The following HSPBAP1 variants were observed in gnomAD, a reference collection of about 807,000 sequenced individuals.
The protein encoded by HSPBAP1 is HSPB1 associated protein 1, also known as HSPB1-associated protein 1.
HSPBAP1 carries 27 observed loss-of-function variants against 45.2 expected under a neutral mutation model. The observed-to-expected ratio is 0.60, with a 90% CI of 0.44 to 0.82. The LOEUF is 0.82. Among genes scored for constraint, HSPBAP1 ranks in the 40% least tolerant of loss-of-function variants. The pLI, the probability that HSPBAP1 is intolerant of heterozygous loss-of-function variation, is 0.00. For missense variants in HSPBAP1, 510 were observed against 590.9 expected (o/e 0.86, Z 1.42); for synonymous variants, 204 against 202.7 (o/e 1.01, Z -0.06).
chr3:122,786,631 G>A (rs978983375), intron 1 of HSPBAP1: 1 of 152,214 alleles, frequency 6.6e-6, no homozygotes, highest in Non-Finnish European at 1.5e-5. Context: ...ACACATCCCA[G>A]AGATTATTTA....
chr3:122,761,614 G>GT (rs1447923305), intron 3 of HSPBAP1: 32 of 90,666 alleles, frequency 3.5e-4, no homozygotes, highest in Non-Finnish European at 5.9e-4. Context: ...TCTACAAAAA[G>GT]GTTTTTTTTT....
At chr3:122,789,192 T>C (rs972673008) in intron 1 of HSPBAP1, among the ~76,000 whole-genome samples, 2 of 152,350 alleles carry the variant, frequency 1.3e-5, no homozygotes, top group Admixed American at 6.5e-5. Context: ...AATCCAGTTA[T>C]GTAGGAATGT....
intron 1 of HSPBAP1, among the ~76,000 whole-genome samples, chr3:122,779,436 A>C (rs1228167914): frequency 1.3e-5 from 2 of 151,940 alleles, no homozygotes; most frequent in East Asian, 3.8e-4. Context: ...CTCTCAATTT[A>C]GATCCAGCGA....
intron 5 of HSPBAP1, chr3:122,752,878 T>C: frequency 1.5e-6 from 2 of 1,321,744 alleles, no homozygotes; most frequent in Non-Finnish European, 1.9e-6. Context: ...TCACATGTTC[T>C]ACAAAGGATA....
intron 6 of HSPBAP1, among the ~76,000 whole-genome samples, chr3:122,744,601 G>T (rs532141355): frequency 3.9e-5 from 6 of 152,300 alleles, no homozygotes; most frequent in Admixed American, 3.9e-4. Flanking sequence ...GGTCTGGTTT[G>T]GTGAAGGACA....
intron 1 of HSPBAP1, among the ~76,000 whole-genome samples, chr3:122,778,775 C>T (rs1935287126): frequency 6.6e-6 from 1 of 152,152 alleles, no homozygotes. Context: ...CGTGATCCAC[C>T]TGCCTTGGCC....
rs1935914436 is a variant in HSPBAP1, at chr3:122,793,745, G to C, written c.-65C>G. The C allele has an allele frequency of 1.5e-5, 23 of 1,485,658 alleles. No homozygotes were observed. The highest frequency in any genetic ancestry group is 2.1e-5 in the Non-Finnish European group (22 of 1,068,640). 92.0% of individuals were successfully genotyped at this position (1,485,658 alleles called of 1,614,324 possible). On this transcript the variant is annotated 5_prime_UTR_variant, in exon 1 of 8. Coordinates refer to ENST00000306103, the MANE Select transcript of HSPBAP1 (RefSeq NM_024610.6). The stretch of plus-strand genomic sequence containing the variant: ...GCGGAGCTGGGGTGGGGTCAGAGTA[G>C]GGGCCAAACTCCGAGACCCGAAGCT...
chr3:122,785,420 G>C (rs138858755), intron 1 of HSPBAP1, among the ~76,000 whole-genome samples: 1 of 152,270 alleles, frequency 6.6e-6, no homozygotes, highest in African/African-American at 2.4e-5. Flanking sequence ...TATCTGATCA[G>C]GTTCTTCACC....
intron 2 of HSPBAP1, among the ~76,000 whole-genome samples, chr3:122,776,990 A>T (rs967129209): frequency 5.3e-5 from 8 of 152,210 alleles, no homozygotes; most frequent in South Asian, 2.1e-4. Flanking sequence ...CCCATATTGA[A>T]ATACAAGTTA....
At chr3:122,753,536 A>C in intron 5 of HSPBAP1, 1 of 984,784 alleles carries the variant, frequency 1.0e-6, no homozygotes, top group Non-Finnish European at 1.2e-6. Context: ...ATAAATAGGA[A>C]GGTATAATAA....
At chr3:122,781,311 G>C (rs182066734) in intron 1 of HSPBAP1, among the ~76,000 whole-genome samples, 2 of 152,370 alleles carry the variant, frequency 1.3e-5, no homozygotes, top group East Asian at 1.9e-4. Flanking sequence ...CCGGCACCTC[G>C]GGAGGCCGAG....
chr3:122,759,389 A>C, intron 3 of HSPBAP1, 29 bp from the exon 4 acceptor site: 1 of 1,605,454 alleles, frequency 6.2e-7, no homozygotes, highest in Non-Finnish European at 8.5e-7. Context: ...GCAATCCATC[A>C]AGAACTAACC....
intron 6 of HSPBAP1, among the ~76,000 whole-genome samples, chr3:122,751,789 A>G (rs1267293391): frequency 1.3e-5 from 2 of 152,224 alleles, no homozygotes; most frequent in African/African-American, 4.8e-5. Context: ...CTCAAGGGCT[A>G]CAACTCTTCA....
At chr3:122,780,466 C>T (rs1576271801) in intron 1 of HSPBAP1, among the ~76,000 whole-genome samples, 1 of 122,258 alleles carries the variant, frequency 8.2e-6, no homozygotes, top group Non-Finnish European at 1.7e-5. Flanking sequence ...CGGGCAGAGG[C>T]GCCCCTCACC....
At chr3:122,774,531 G>C (rs1935121177) in intron 2 of HSPBAP1, among the ~76,000 whole-genome samples, 1 of 152,138 alleles carries the variant, frequency 6.6e-6, no homozygotes, top group Non-Finnish European at 1.5e-5. Context: ...TGGACATTTT[G>C]GTCTTTAGCC....
intron 1 of HSPBAP1, 64 bp downstream of exon 1, chr3:122,793,553 G>A (rs1434528174): frequency 1.4e-6 from 2 of 1,466,140 alleles, no homozygotes; most frequent in Admixed American, 3.4e-5. Flanking sequence ...CCCCACGAGG[G>A]GTGCCACGAG....
chr3:122,753,033 T>C (rs888727061), intron 5 of HSPBAP1: 1 of 977,656 alleles, frequency 1.0e-6, no homozygotes, highest in Non-Finnish European at 1.2e-6. Context: ...GTAAAACACA[T>C]AGGACGTGGC....
intron 3 of HSPBAP1, chr3:122,761,714 G>A (rs1934592559): frequency 6.6e-6 from 1 of 150,716 alleles, no homozygotes; most frequent in Admixed American, 6.6e-5. Flanking sequence ...TTGAGCTTGG[G>A]AGGTCAAGGC....
At chr3:122,763,462 G>GT (rs78219516) in intron 3 of HSPBAP1, among the ~76,000 whole-genome samples, 65,615 of 151,232 alleles carry the variant, frequency 0.43, 15,407 homozygotes, top group South Asian at 0.54. Flanking sequence ...AGCTGTGTGT[G>GT]TTTTTTTTTA....
Sources: allele counts gnomAD v4.1 joint callset (sites outside exome capture counted in the v4.1 genomes callset), GRCh38; gene constraint gnomAD v4.1.1; transcripts MANE v1.5; gene names NCBI Gene and HGNC (gene_info 2026-07-23, HGNC 2026-07-21).